SLCO6A1: variants seen among roughly 807,000 people sequenced by gnomAD.
The protein encoded by SLCO6A1 is solute carrier organic anion transporter family member 6A1, also known as cancer/testis antigen 48.
Under a neutral mutation model 72.7 loss-of-function variants are expected in SLCO6A1, and 65 were observed. The ratio of observed to expected loss-of-function variants is 0.89; its 90% CI spans 0.73 to 1.10. The LOEUF is 1.10. Among genes scored for constraint, SLCO6A1 ranks in the 50% least tolerant of loss-of-function variants. SLCO6A1 has a pLI of 0.00. For synonymous variants in SLCO6A1, 314 were observed against 298.2 expected (o/e 1.05, Z -0.55); for missense variants, 874 against 872.6 (o/e 1.00, Z -0.02).
chr5:102,400,613 T>C (rs995633758), intron 9 of SLCO6A1, among the ~76,000 whole-genome samples: 1 of 152,000 alleles, frequency 6.6e-6, no homozygotes. Context: ...TATTAATTTA[T>C]TGGAAATATT....
intron 1 of SLCO6A1, among the ~76,000 whole-genome samples, chr5:102,484,213 C>G (rs1463205963): frequency 6.6e-6 from 1 of 152,196 alleles, no homozygotes; most frequent in Non-Finnish European, 1.5e-5. Context: ...CCATAATTCA[C>G]AGGCACAAAT....
chr5:102,415,889 G>C lies in SLCO6A1; in HGVS notation c.1473-2746C>G, dbSNP rs555190903. On this transcript the variant is annotated intron_variant, in intron 8 of 13. Coordinates refer to ENST00000506729, the MANE Select transcript of SLCO6A1 (RefSeq NM_173488.5). Reference sequence around the variant, plus strand: ...CCCCACAAATAATTTCACTGAAAGGGGGCAAATGACATGAATAAACATTTT... The same window carrying C: ...CCCCACAAATAATTTCACTGAAAGGCGGCAAATGACATGAATAAACATTTT... Among the ~76,000 whole-genome samples the C allele has an allele frequency of 4.6e-5, 7 of 152,108 alleles. No individual in the cohort carries two copies. The East Asian group carries it at 1.2e-3, about 25-fold the overall frequency.
At chr5:102,447,735 C>A (rs1357774788) in intron 6 of SLCO6A1, among the ~76,000 whole-genome samples, 1 of 152,032 alleles carries the variant, frequency 6.6e-6, no homozygotes, top group Non-Finnish European at 1.5e-5. Context: ...TTTGTCATTT[C>A]TGATTATGTT....
intron 6 of SLCO6A1, among the ~76,000 whole-genome samples, chr5:102,453,430 G>C (rs1462680161): frequency 6.6e-6 from 1 of 151,932 alleles, no homozygotes; most frequent in East Asian, 1.9e-4. Flanking sequence ...TGAAGTCTTT[G>C]TTTACTACAT....
intron 1 of SLCO6A1, among the ~76,000 whole-genome samples, chr5:102,495,669 T>G (rs1479321843): frequency 2.0e-5 from 3 of 152,180 alleles, no homozygotes; most frequent in African/African-American, 7.2e-5. Context: ...GTTTCATGTC[T>G]GTACATATTT....
At chr5:102,418,588 A>T (rs1748419845) in intron 8 of SLCO6A1, among the ~76,000 whole-genome samples, 1 of 152,154 alleles carries the variant, frequency 6.6e-6, no homozygotes, top group Admixed American at 6.6e-5. Flanking sequence ...TTTATATTTT[A>T]TAGCTTTGGA....
At chr5:102,435,963 C>G (rs1309851087) in intron 7 of SLCO6A1, among the ~76,000 whole-genome samples, 1 of 151,924 alleles carries the variant, frequency 6.6e-6, no homozygotes. Context: ...CTCTTATAAC[C>G]CTGGCTGTTC....
At chr5:102,458,356 T>G (rs900361563) in intron 6 of SLCO6A1, 26 bp downstream of exon 6, 11 of 1,516,114 alleles carry the variant, frequency 7.3e-6, no homozygotes, top group Non-Finnish European at 9.1e-7. Context: ...TTAGTTGGAT[T>G]GTTCAAGTAA....
intron 4 of SLCO6A1, among the ~76,000 whole-genome samples, chr5:102,469,871 G>A (rs945838372): frequency 2.0e-5 from 3 of 152,118 alleles, no homozygotes; most frequent in Non-Finnish European, 2.9e-5. Flanking sequence ...AGCATGAAAG[G>A]CTGCTGAATT....
chr5:102,388,512 T>C (rs1746544083), intron 12 of SLCO6A1, among the ~76,000 whole-genome samples, 176 bp downstream of exon 12: 1 of 152,080 alleles, frequency 6.6e-6, no homozygotes, highest in Non-Finnish European at 1.5e-5. Context: ...TATTTTTTTA[T>C]TTTTTAAAAT....
chr5:102,410,365 G>T (rs1747909319), intron 9 of SLCO6A1, among the ~76,000 whole-genome samples: 1 of 152,126 alleles, frequency 6.6e-6, no homozygotes, highest in Admixed American at 6.5e-5. Context: ...GGGCTTTTAT[G>T]GACCTCAGAG....
At chr5:102,430,184 C>G (rs1749136799) in intron 7 of SLCO6A1, among the ~76,000 whole-genome samples, 2 of 152,114 alleles carry the variant, frequency 1.3e-5, no homozygotes, top group Admixed American at 1.3e-4. Flanking sequence ...GGCTGTTTCT[C>G]AGCTTAAGGA....
intron 12 of SLCO6A1, among the ~76,000 whole-genome samples, chr5:102,373,797 T>G (rs958135595): frequency 2.0e-4 from 31 of 152,196 alleles, no homozygotes; most frequent in Non-Finnish European, 1.3e-4. Context: ...TTTCAAAACT[T>G]AGCTATCAAT....
intron 6 of SLCO6A1, among the ~76,000 whole-genome samples, chr5:102,452,308 TA>T (rs1202773071): frequency 6.6e-6 from 1 of 152,218 alleles, no homozygotes. Context: ...ATCCAGGATT[TA>T]TTTTTTTGCT....
intron 6 of SLCO6A1, among the ~76,000 whole-genome samples, chr5:102,454,504 A>C (rs908587148): frequency 6.6e-6 from 1 of 152,202 alleles, no homozygotes; most frequent in African/African-American, 2.4e-5. Context: ...CCTTCTGATA[A>C]ACTTCAAAAA....
intron 2 of SLCO6A1, among the ~76,000 whole-genome samples, chr5:102,479,461 C>A (rs1580505680): frequency 2.0e-5 from 3 of 151,984 alleles, no homozygotes; most frequent in East Asian, 1.9e-4. Context: ...AACTACAAAC[C>A]TTTCCTAATG....
chr5:102,459,503 A>C (rs1409427131), intron 5 of SLCO6A1, among the ~76,000 whole-genome samples, 153 bp downstream of exon 5: 1 of 152,154 alleles, frequency 6.6e-6, no homozygotes, highest in Non-Finnish European at 1.5e-5. Context: ...CTTAAATAAC[A>C]CTAGCACTTG....
At chr5:102,452,628 T>C (rs1750478812) in intron 6 of SLCO6A1, among the ~76,000 whole-genome samples, 1 of 152,200 alleles carries the variant, frequency 6.6e-6, no homozygotes, top group African/African-American at 2.4e-5. Flanking sequence ...ATAAACTCTT[T>C]CCTTTCCTTT....
chr5:102,474,658 A>G (rs1751803246), intron 4 of SLCO6A1, among the ~76,000 whole-genome samples: 1 of 152,128 alleles, frequency 6.6e-6, no homozygotes, highest in Non-Finnish European at 1.5e-5. Context: ...GGGAGAAAAC[A>G]TTTGCAAACC....
Sources: allele counts gnomAD v4.1 joint callset (sites outside exome capture counted in the v4.1 genomes callset), GRCh38; gene constraint gnomAD v4.1.1; transcripts MANE v1.5; gene names NCBI Gene and HGNC (gene_info 2026-07-23, HGNC 2026-07-21).